The following PCDH15 variants were observed in gnomAD, a reference collection of about 807,000 sequenced individuals.
PCDH15 encodes protocadherin-15.
PCDH15 carries 129 observed loss-of-function variants against 178.5 expected under a neutral mutation model. That is an observed-to-expected ratio of 0.72 (90% CI 0.63 to 0.84). PCDH15 has a LOEUF of 0.84. PCDH15 is among the 40% of genes least tolerant of loss of function. The pLI is 0.00. For synonymous variants in PCDH15, 800 were observed against 732.0 expected (o/e 1.09, Z -1.50); for missense variants, 2,230 against 2,099.9 (o/e 1.06, Z -1.21).
At chr10:54,770,994 C>T in intron 1 of PCDH15, among the ~76,000 whole-genome samples, 1 of 151,976 alleles carries the variant, frequency 6.6e-6, no homozygotes, top group Non-Finnish European at 1.5e-5. Context: ...CATATTTTTA[C>T]CTACTTGGGA....
At chr10:54,600,057 A>C in intron 2 of PCDH15, 3 of 1,258,436 alleles carry the variant, frequency 2.4e-6, no homozygotes, top group Non-Finnish European at 3.4e-6. Context: ...AAGAGGAAGA[A>C]AAGGAAATCG....
At chr10:54,970,670 T>TA (rs1838909336) in intron 2 of PCDH15, among the ~76,000 whole-genome samples, 1 of 152,088 alleles carries the variant, frequency 6.6e-6, no homozygotes, top group Non-Finnish European at 1.5e-5. Flanking sequence ...CATAATAAAA[T>TA]CTCTTGCCAT....
At chr10:55,584,190 A>G (rs1034688801) in intron 2 of PCDH15, among the ~76,000 whole-genome samples, 3 of 152,136 alleles carry the variant, frequency 2.0e-5, no homozygotes, top group Admixed American at 2.0e-4. Flanking sequence ...TTTTTCTAAA[A>G]ATAAATACTT....
intron 2 of PCDH15, among the ~76,000 whole-genome samples, chr10:55,595,735 GTT>G (rs1312347078): frequency 6.6e-6 from 1 of 151,952 alleles, no homozygotes. Context: ...AAATTCAAGT[GTT>G]TTTGTTTACA....
chr10:54,253,939 T>G (rs1041029719), intron 8 of PCDH15, among the ~76,000 whole-genome samples: 1 of 152,082 alleles, frequency 6.6e-6, no homozygotes, highest in Non-Finnish European at 1.5e-5. Flanking sequence ...TCTAATATGT[T>G]AAAAATTTTA....
intron 2 of PCDH15, among the ~76,000 whole-genome samples, chr10:55,079,978 T>G (rs913564719): frequency 2.0e-5 from 3 of 151,994 alleles, no homozygotes; most frequent in African/African-American, 7.2e-5. Context: ...AACAGGGGAT[T>G]CTGTGGTGGT....
intron 2 of PCDH15, among the ~76,000 whole-genome samples, chr10:55,092,440 T>A (rs1402115356): frequency 6.6e-6 from 1 of 151,882 alleles, no homozygotes; most frequent in Non-Finnish European, 1.5e-5. Context: ...ATTCCCATAA[T>A]GCCAAAGGTA....
intron 35 of PCDH15, among the ~76,000 whole-genome samples, chr10:53,813,781 A>G (rs1360307645): frequency 6.6e-6 from 1 of 151,980 alleles, no homozygotes; most frequent in Non-Finnish European, 1.5e-5. Flanking sequence ...CCAACGAAAT[A>G]TATTATATCA....
chr10:53,981,029 T>C (rs75924280), intron 21 of PCDH15, among the ~76,000 whole-genome samples: 4,578 of 152,302 alleles, frequency 0.03, 107 homozygotes, highest in Non-Finnish European at 0.051. Context: ...ATTATGAGTA[T>C]GGATATTTAC....
At chr10:55,599,599 T>G (rs928224738) in intron 2 of PCDH15, 1 of 183,196 alleles carries the variant, frequency 5.5e-6, no homozygotes, top group Non-Finnish European at 1.1e-5. Context: ...ACATTATCCA[T>G]TGCATAAGCT....
chr10:54,351,371 T>G (rs1191518514), intron 5 of PCDH15, among the ~76,000 whole-genome samples: 1 of 152,116 alleles, frequency 6.6e-6, no homozygotes, highest in Non-Finnish European at 1.5e-5. Context: ...TGAAATAAAT[T>G]TAAAAGGTCC....
intron 28 of PCDH15, among the ~76,000 whole-genome samples, chr10:53,842,672 ATTAAT>A (rs1441012094): frequency 1.3e-5 from 2 of 152,218 alleles, no homozygotes; most frequent in Non-Finnish European, 2.9e-5. Flanking sequence ...TCTTATTTTT[ATTAAT>A]TTGACTGAAA....
At chr10:55,392,974 A>AGT (rs1348636062) in intron 2 of PCDH15, among the ~76,000 whole-genome samples, 1 of 133,638 alleles carries the variant, frequency 7.5e-6, no homozygotes, top group African/African-American at 2.9e-5. Flanking sequence ...TAAGAACTAA[A>AGT]GTGTATGTGT....
intron 3 of PCDH15, among the ~76,000 whole-genome samples, chr10:54,870,596 T>C (rs1434290685): frequency 1.3e-5 from 2 of 151,870 alleles, no homozygotes; most frequent in Non-Finnish European, 2.9e-5. Context: ...CCATCCTGGC[T>C]AACACGGTGA....
At chr10:53,925,140 C>T (rs2610850) in intron 25 of PCDH15, among the ~76,000 whole-genome samples, 7,086 of 152,158 alleles carry the variant, frequency 0.047, 507 homozygotes, top group African/African-American at 0.16. Context: ...AAGCTTCATT[C>T]TTTCACTCTT....
chr10:55,580,359 TA>T lies in PCDH15; in HGVS notation c.-156+47265del, dbSNP rs376099926. Among the ~76,000 whole-genome samples, 256 of 139,026 alleles carry T rather than the reference TA, an allele frequency of 1.8e-3. 3 individuals carry two copies. The East Asian group carries it at 0.039, about 21-fold the overall frequency. 91.2% of individuals were successfully genotyped at this position (139,026 alleles called of 152,430 possible). ...GGCTTCTTCATTTTTTTTATTTTTT[TA>T]TTTTTTTTTTTTTTTGAGACGAAGT... is the stretch of plus-strand genomic sequence containing the variant. On this transcript the variant is annotated intron_variant, in intron 2 of 5. Coordinates refer to the PCDH15 transcript ENST00000613346.
chr10:55,528,498 T>A (rs897733821), intron 2 of PCDH15, among the ~76,000 whole-genome samples: 1 of 152,090 alleles, frequency 6.6e-6, no homozygotes, highest in African/African-American at 2.4e-5. Flanking sequence ...GCCCTTGTGA[T>A]AGTTTGCTGA....
At chr10:54,215,517 C>T (rs1327954565) in intron 9 of PCDH15, among the ~76,000 whole-genome samples, 2 of 151,982 alleles carry the variant, frequency 1.3e-5, no homozygotes, top group African/African-American at 4.8e-5. Context: ...CATGAGCAAA[C>T]CCCAAATGAA....
rs145150757 is a variant in PCDH15 at position 55,004,099 on chromosome 10, T to G, written c.-79-106599A>C. On this transcript the variant is annotated intron_variant, in intron 2 of 5. Transcript: ENST00000458638. Reference sequence around the variant, plus strand: ...GGCCAAGTGTAATGGGACTGAAGTTTATTTTGCAGGTAGGTTTATCCAGCT... The same window carrying G: ...GGCCAAGTGTAATGGGACTGAAGTTGATTTTGCAGGTAGGTTTATCCAGCT... 1.9e-3 allele frequency among the ~76,000 whole-genome samples: 291 copies of G among 152,328 alleles called. 1 individual carries two copies. The highest frequency in any genetic ancestry group is 6.4e-3 in the African/African-American group (266 of 41,582).
Sources: gnomAD v4.1 joint callset for allele counts (sites outside exome capture counted in the v4.1 genomes callset) on GRCh38, gnomAD v4.1.1 for gene constraint, MANE v1.5 for transcripts, NCBI Gene and HGNC (gene_info 2026-07-23, HGNC 2026-07-21) for gene names.